The following ABL2 variants were observed in gnomAD, a reference collection of about 807,000 sequenced individuals.
ABL2 encodes the protein tyrosine-protein kinase ABL2.
A neutral mutation model predicts 107.7 loss-of-function variants in ABL2; 49 were observed. The observed-to-expected ratio is 0.45, with a 90% CI of 0.36 to 0.58. ABL2 has a LOEUF of 0.58. Among genes scored for constraint, ABL2 ranks in the 20% least tolerant of loss-of-function variants. The pLI, the probability that ABL2 is intolerant of heterozygous loss-of-function variation, is 0.00. For synonymous variants in ABL2, 549 were observed against 548.6 expected, an observed-to-expected ratio of 1.00 and a Z score of -0.01; for missense variants, 1,245 against 1,457.0, an observed-to-expected ratio of 0.85 and a Z score of 2.37.
chr1:179,154,710 T>C, intron 1 of ABL2, among the ~76,000 whole-genome samples: 1 of 152,228 alleles, frequency 6.6e-6, no homozygotes, highest in African/African-American at 2.4e-5. Context: ...CAGGGATTCT[T>C]GTGTTCTGGC....
At chr1:179,178,597 G>T (rs1304504263) in intron 1 of ABL2, among the ~76,000 whole-genome samples, 1 of 151,704 alleles carries the variant, frequency 6.6e-6, no homozygotes, top group Non-Finnish European at 1.5e-5. Flanking sequence ...ACTTTAAAAA[G>T]TAAGAACATC....
In ABL2 at chr1:179,185,470, TGGAAA is replaced by T. The variant is rs139282723; in HGVS notation, c.157+43766_157+43770del. On this transcript the variant is annotated intron_variant, in intron 1 of 11. Coordinates refer to ENST00000502732, the MANE Select transcript of ABL2 (RefSeq NM_007314.4). The stretch of plus-strand genomic sequence containing the variant: ...TTTAAAAAAAATTTTTTTGTTTCAC[TGGAAA>T]GGAAAGATGATGCTCAGTTTTAAAA... 6.8e-3 allele frequency among the ~76,000 whole-genome samples: 1,035 copies of T among 152,280 alleles called. 10 individuals carry two copies. Among genetic ancestry groups the T allele is most frequent in the African/African-American group, 0.023 (940 of 41,562 alleles).
intron 1 of ABL2, among the ~76,000 whole-genome samples, chr1:179,209,090 ACAG>A (rs1289653496): frequency 2.6e-5 from 4 of 152,210 alleles, no homozygotes; most frequent in Non-Finnish European, 5.9e-5. Context: ...ATTTGAGGAA[ACAG>A]CAGAAGCAAA....
rs771907317 is a variant in ABL2 at position 179,120,210 on chromosome 1, G to C, written c.1025C>G (p.Pro342Arg). 1.2e-6 allele frequency: 2 copies of C among 1,605,112 alleles called. No individual in the cohort carries two copies. Among genetic ancestry groups the C allele is most frequent in the Non-Finnish European group, 1.7e-6 (2 of 1,175,444 alleles). ...EAAVMKEIKH[P>R]NLVQLLGVCT... ...CTCACCTAAAAGTTGTACCAGATTA[G>C]GATGCTTGATTTCCTTCATTACTGC... Residue 342 changes from proline (P) to arginine (R), a missense_variant, in exon 6 of 12, where the codon CCT becomes CGT. Physicochemically the swap from Pro to Arg is moderately radical, Grantham distance 103. Around this residue, in one of 3 missense-constraint regions of ABL2, gnomAD observed 320 missense variants for 547.0 expected, o/e 0.59. Transcript: ENST00000502732.
chr1:179,128,297 G>A (rs1655938717), intron 3 of ABL2, among the ~76,000 whole-genome samples: 1 of 151,756 alleles, frequency 6.6e-6, no homozygotes, highest in Admixed American at 6.6e-5. Context: ...TGTAGCGGTG[G>A]ATATGCATAA....
rs374695562 is a variant in ABL2 at position 179,174,920 on chromosome 1, A to AAATAAT, written c.158-41552_158-41547dup. ...CAAAAAAAAAAAAATAAAATAAAAA[A>AAATAAT]AATAATAATAATAATAATAATAATT... On this transcript the variant is annotated intron_variant, in intron 1 of 11. Transcript: ENST00000502732. 1.4e-3 allele frequency among the ~76,000 whole-genome samples: 174 copies of AAATAAT among 122,794 alleles called. 2 individuals carry two copies. Among genetic ancestry groups the AAATAAT allele is most frequent in the Middle Eastern group, 4.9e-3 (1 of 206 alleles). The allele number at this position is 122,794 out of a possible 152,430, so 80.6% of individuals were successfully genotyped here.
chr1:179,206,967 C>T (rs1388817002), intron 1 of ABL2, among the ~76,000 whole-genome samples: 2 of 152,120 alleles, frequency 1.3e-5, no homozygotes, highest in Non-Finnish European at 2.9e-5. Flanking sequence ...AAAAGAGATG[C>T]CAAACCTTGC....
At chr1:179,193,354 A>T (rs1007797568) in intron 1 of ABL2, among the ~76,000 whole-genome samples, 5 of 151,906 alleles carry the variant, frequency 3.3e-5, no homozygotes, top group African/African-American at 1.2e-4. Flanking sequence ...ACCAGCCCTA[A>T]ATGTCTGCTT....
At chr1:179,186,806 G>C (rs2636279) in intron 1 of ABL2, among the ~76,000 whole-genome samples, 5 of 151,908 alleles carry the variant, frequency 3.3e-5, no homozygotes, top group African/African-American at 1.2e-4. Context: ...GTGCAACCTA[G>C]GCTCATTGCA....
chr1:179,222,447 G>A (rs1662925822), intron 1 of ABL2, among the ~76,000 whole-genome samples: 2 of 151,866 alleles, frequency 1.3e-5, no homozygotes, highest in South Asian at 4.2e-4. Flanking sequence ...GTGGAGTACA[G>A]TAGCACGATC....
intron 1 of ABL2, among the ~76,000 whole-genome samples, chr1:179,153,976 T>C (rs916719072): frequency 1.3e-5 from 2 of 152,220 alleles, no homozygotes; most frequent in Admixed American, 1.3e-4. Flanking sequence ...TATCCAGGCA[T>C]CCAACCCAGA....
chr1:179,154,170 G>A (rs1279426397), intron 1 of ABL2, among the ~76,000 whole-genome samples: 1 of 151,994 alleles, frequency 6.6e-6, no homozygotes, highest in Non-Finnish European at 1.5e-5. Context: ...ATCACATTAT[G>A]GCCAAAAACC....
chr1:179,229,173 A>AACCCCCCCCCCC, intron 1 of ABL2, 68 bp downstream of exon 1: 1 of 223,208 alleles, frequency 4.5e-6, no homozygotes. Context: ...CCCGTCCGCC[A>AACCCCCCCCCCC]CCCACCCCGC....
chr1:179,209,616 A>G (rs1206734442), intron 1 of ABL2, among the ~76,000 whole-genome samples: 1 of 152,232 alleles, frequency 6.6e-6, no homozygotes, highest in African/African-American at 2.4e-5. Context: ...AGTATCATTT[A>G]CCCATCTGTA....
chr1:179,154,399 C>T (rs890036704), intron 1 of ABL2, among the ~76,000 whole-genome samples: 1 of 152,180 alleles, frequency 6.6e-6, no homozygotes, highest in South Asian at 2.1e-4. Context: ...TCTTGTCTTT[C>T]GACTCTATCC....
At chr1:179,207,957 CT>C (rs1662069440) in intron 1 of ABL2, among the ~76,000 whole-genome samples, 2 of 152,106 alleles carry the variant, frequency 1.3e-5, no homozygotes, top group South Asian at 4.1e-4. Context: ...CTAATTATCT[CT>C]TAAATATCCT....
Position 179,102,817 on chromosome 1 carries a change from A to T in ABL2, c.*4901T>A, listed in dbSNP as rs1263371120. 1 of 225,636 alleles carries T rather than the reference A, an allele frequency of 4.4e-6. No individual in the cohort carries two copies. The highest frequency in any genetic ancestry group is 2.2e-5 in the African/African-American group (1 of 44,920). 14.0% of individuals were successfully genotyped at this position (225,636 alleles called of 1,614,324 possible). A position where few individuals can be genotyped will look rare whatever the true frequency, so the allele number is the denominator to read the frequency against. ...CTTTTGAGTATTTTATAATAGGTGAATTAAATTCAGCTATTCTTTTTAGAA... is the reference window on the plus strand; with the variant it reads ...CTTTTGAGTATTTTATAATAGGTGATTTAAATTCAGCTATTCTTTTTAGAA... On this transcript the variant is annotated 3_prime_UTR_variant, in exon 12 of 12. Coordinates refer to ENST00000502732, the MANE Select transcript of ABL2 (RefSeq NM_007314.4).
At chr1:179,109,904 G>T (rs1653870184) in intron 11 of ABL2, among the ~76,000 whole-genome samples, 1 of 150,766 alleles carries the variant, frequency 6.6e-6, no homozygotes, top group Non-Finnish European at 1.5e-5. Context: ...CTCCAGCCTG[G>T]GCGACACAGT....
At chr1:179,215,896 C>T (rs1469275369) in intron 1 of ABL2, among the ~76,000 whole-genome samples, 2 of 151,870 alleles carry the variant, frequency 1.3e-5, no homozygotes, top group East Asian at 3.8e-4. Context: ...ATCTTCAGTC[C>T]TAACTCAGTA....
Sources: gnomAD v4.1 joint callset for allele counts (sites outside exome capture counted in the v4.1 genomes callset) on GRCh38, gnomAD v4.1.1 for gene constraint, gnomAD v4.1.1 regional missense constraint, MANE v1.5 for transcripts, NCBI Gene and HGNC (gene_info 2026-07-23, HGNC 2026-07-21) for gene names.